The following UBA1 variants were observed in gnomAD, a reference collection of about 807,000 sequenced individuals.
UBA1 encodes ubiquitin-like modifier-activating enzyme 1.
A neutral mutation model predicts 84.7 loss-of-function variants in UBA1; 4 were observed. The ratio of observed to expected loss-of-function variants is 0.05; its 90% CI spans 0.02 to 0.11. The LOEUF (loss-of-function observed/expected upper bound fraction) is 0.11, where lower values mean the gene tolerates loss of function less well. Among genes scored for constraint, UBA1 ranks in the 10% least tolerant of loss-of-function variants. The probability of loss-of-function intolerance (pLI) is 1.00; values close to 1 mark genes in which losing one functional copy is unlikely to be tolerated. For synonymous variants in UBA1, 364 were observed against 362.6 expected (o/e 1.00, Z -0.04); for missense variants, 513 against 902.8 (o/e 0.57, Z 5.53).
At position 47,202,172 on chromosome X, in the gene UBA1, C is replaced by T; in HGVS notation, c.828C>T (p.Ser276=). The change falls in exon 9 of 26, where the codon AGC becomes AGT. Residue 276 remains serine (S), a synonymous_variant. Coordinates refer to ENST00000335972, the MANE Select transcript of UBA1 (RefSeq NM_003334.4). ...CCTCTGTAGGTCCTTATACCTTTAG[C>T]ATCTGTGACACCTCCAACTTCTCCG... ...EIKVLGPYTF[S]ICDTSNFSDY... 1 of 1,209,458 alleles carries T rather than the reference C, an allele frequency of 8.3e-7. No individual in the cohort carries two copies. Among genetic ancestry groups the T allele is most frequent in the Non-Finnish European group, 1.1e-6 (1 of 893,953 alleles).
chrX:47,195,882 G>A (rs5906352), intron 1 of UBA1, among the ~76,000 whole-genome samples: 11,381 of 110,205 alleles, frequency 0.1, 605 homozygotes, highest in Middle Eastern at 0.16. Flanking sequence ...CTCTCCTCTT[G>A]CATGTCCCTA....
chrX:47,209,869 G>C (rs992117281), intron 17 of UBA1, 59 bp from the exon 18 acceptor site: 14 of 1,172,132 alleles, frequency 1.2e-5, no homozygotes, highest in Non-Finnish European at 1.6e-5. Flanking sequence ...GATTGCTCTG[G>C]AGCCCACTCT....
chrX:47,201,956 G>A (rs1936432314), intron 8 of UBA1, among the ~76,000 whole-genome samples, 200 bp from the exon 9 acceptor site: 1 of 111,387 alleles, frequency 9.0e-6, no homozygotes, highest in Non-Finnish European at 1.9e-5. Context: ...CTTGGAGCCA[G>A]GGACACAGGG....
At chrX:47,213,921 T>C (rs1937036984) in intron 23 of UBA1, among the ~76,000 whole-genome samples, 1 of 108,918 alleles carries the variant, frequency 9.2e-6, no homozygotes, top group Non-Finnish European at 1.9e-5. Context: ...AGGGGATGTA[T>C]TTGAGATTTT....
At chrX:47,214,252 AG>A in intron 23 of UBA1, 74 bp from the exon 24 acceptor site, 5 of 899,544 alleles carry the variant, frequency 5.6e-6, no homozygotes, top group Non-Finnish European at 8.2e-6. Context: ...GCATGGGGGT[AG>A]GGGGGATGGA....
intron 18 of UBA1, 91 bp downstream of exon 18, chrX:47,210,214 G>A: frequency 1.9e-6 from 2 of 1,030,386 alleles, no homozygotes; most frequent in Non-Finnish European, 2.7e-6. Context: ...GAGTCCAGCT[G>A]TGGCAGGTGC....
intron 1 of UBA1, chrX:47,198,293 A>G (rs782180807): frequency 5.1e-6 from 5 of 977,822 alleles, no homozygotes; most frequent in East Asian, 7.6e-5. Flanking sequence ...GTTACTGCCT[A>G]CCTACTCTGT....
At chrX:47,197,022 C>T (rs1936226818) in intron 1 of UBA1, 2 of 563,598 alleles carry the variant, frequency 3.5e-6, no homozygotes, top group African/African-American at 2.5e-5. Flanking sequence ...ATCTCTACCC[C>T]AGGTCAGTCA....
Position 47,211,128 on chromosome X carries a change from A to C in UBA1, c.2367A>C (p.Thr789=). Residue 789 remains threonine (T), a synonymous_variant, in exon 20 of 26, where the codon ACA becomes ACC. Coordinates refer to ENST00000335972, the MANE Select transcript of UBA1 (RefSeq NM_003334.4). The part of the protein sequence containing the change: ...TGSQDRAAVA[T]FLQSVQVPEF... ...CTCAGGACCGAGCTGCTGTGGCCAC[A>C]TTCCTGCAGTCTGTGCAGGTCCCCG... The C allele has an allele frequency of 8.3e-7, 1 of 1,211,593 alleles. No homozygotes were observed. Among genetic ancestry groups the C allele is most frequent in the East Asian group, 3.0e-5 (1 of 33,841 alleles).
At chrX:47,191,126 G>T (rs1349326758), upstream of UBA1, among the ~76,000 whole-genome samples, 1 of 111,708 alleles carries the variant, frequency 9.0e-6, no homozygotes, top group Non-Finnish European at 1.9e-5. Flanking sequence ...GGGACTTCGG[G>T]GTGGGATTTG....
intron 14 of UBA1, among the ~76,000 whole-genome samples, chrX:47,204,748 C>G (rs1936589388): frequency 9.0e-6 from 1 of 111,552 alleles, no homozygotes; most frequent in Non-Finnish European, 1.9e-5. Context: ...TTACACTTCT[C>G]TGCACATATG....
In UBA1 at chrX:47,203,070, G is replaced by C. The variant is rs1556789048; in HGVS notation, c.1338+23G>C. 4 of 1,204,431 alleles carry C rather than the reference G, an allele frequency of 3.3e-6. No individual in the cohort carries two copies. In the East Asian group the frequency reaches 1.2e-4, roughly 36 times the overall value. On this transcript the variant is annotated intron_variant, in intron 12 of 25. Coordinates refer to ENST00000335972, the MANE Select transcript of UBA1 (RefSeq NM_003334.4). ...CAGGTATGTGGGTGGGACCTGTGGGGAGGGCATCATTGGGGACATTTCTGG... is the reference window on the plus strand; with the variant it reads ...CAGGTATGTGGGTGGGACCTGTGGGCAGGGCATCATTGGGGACATTTCTGG...
At chrX:47,200,231 T>G (rs1936354369) in intron 5 of UBA1, among the ~76,000 whole-genome samples, 1 of 112,386 alleles carries the variant, frequency 8.9e-6, no homozygotes, top group African/African-American at 3.2e-5. Flanking sequence ...TCCTGTACCT[T>G]TGTTTTCCTG....
rs781899019 is a variant in UBA1, at chrX:47,203,191, C to T, written c.1396C>T (p.Leu466=). 1.7e-6 allele frequency: 2 copies of T among 1,212,035 alleles called. No individual in the cohort carries two copies. Among genetic ancestry groups the T allele is most frequent in the Non-Finnish European group, 2.2e-6 (2 of 895,530 alleles). Residue 466 remains leucine, a synonymous_variant, in exon 13 of 26, where the codon CTG becomes TTG. Coordinates refer to ENST00000335972, the MANE Select transcript of UBA1 (RefSeq NM_003334.4). ...GTTTGGCTCAGACCTGCAAGAGAAG[C>T]TGGGCAAGCAGAAGTATTTCCTGGT... ...AVFGSDLQEK[L]GKQKYFLVGA... is the part of the protein sequence containing the mutation.
At chrX:47,213,823 C>T (rs962980281) in intron 23 of UBA1, among the ~76,000 whole-genome samples, 34 of 109,924 alleles carry the variant, frequency 3.1e-4, no homozygotes, top group African/African-American at 1.0e-3. Context: ...GCCAAGATGG[C>T]GCCATTGCAC....
In UBA1 at chrX:47,202,487, C is replaced by T. The variant is rs1556788631; in HGVS notation, c.1039C>T (p.Pro347Ser). The T allele has an allele frequency of 8.3e-7, 1 of 1,200,657 alleles. No homozygotes were observed. Among genetic ancestry groups the T allele is most frequent in the East Asian group, 3.0e-5 (1 of 33,191 alleles). The change falls in exon 10 of 26, where the codon CCT becomes TCT. Residue 347 changes from proline (P) to serine (S), a missense_variant. Pro to Ser is a moderately conservative substitution (Grantham distance 74). This residue lies in a region of UBA1 where 227 missense variants were observed against 339.1 expected (regional missense o/e 0.67). Transcript: ENST00000335972. The stretch of plus-strand genomic sequence containing the variant: ...GTTCTGTGCTCAGCATGGCCGGCCA[C>T]CTCGGCCCCGCAATGAGGTGGGTGA... ...HQFCAQHGRP[P>S]RPRNEEDAAE...
In UBA1 at chrX:47,215,011, C is replaced by T. The variant is rs1937087087; in HGVS notation, c.*82C>T. 8.5e-7 allele frequency: 1 copy of T among 1,176,737 alleles called. No individual in the cohort carries two copies. The highest frequency in any genetic ancestry group is 3.0e-5 in the East Asian group (1 of 33,651). ...CCCAGGGTTCCCATTTGGCTTCTGG[C>T]AGTGGCCCAACTAGCCAAGTCTGGT... is the stretch of plus-strand genomic sequence containing the variant. On this transcript the variant is annotated 3_prime_UTR_variant, in exon 26 of 26. Coordinates refer to ENST00000335972, the MANE Select transcript of UBA1 (RefSeq NM_003334.4).
rs1556794541 is a variant in UBA1, at chrX:47,214,388, G to C, written c.2900G>C (p.Gly967Ala). ...RFEVQGLQPN[G>A]EEMTLKQFLD... ...GAGGTACAAGGGCTGCAGCCTAATG[G>C]TGAGGAGATGACCCTCAAACAGTTC... is the stretch of plus-strand genomic sequence containing the variant. Residue 967 changes from glycine (G) to alanine (A), a missense_variant, in exon 24 of 26, where the codon GGT (glycine) becomes GCT (alanine). Gly to Ala is a moderately conservative substitution (Grantham distance 60). This residue lies in a region of UBA1 where 151 missense variants were observed against 260.1 expected (regional missense o/e 0.58). Coordinates refer to ENST00000335972, the MANE Select transcript of UBA1 (RefSeq NM_003334.4). 8.3e-7 allele frequency: 1 copy of C among 1,211,080 alleles called. No individual in the cohort carries two copies. Among genetic ancestry groups the C allele is most frequent in the South Asian group, 1.8e-5 (1 of 56,960 alleles).
In UBA1 at chrX:47,201,630, G is replaced by C; in HGVS notation, c.811+20G>C. ...TCCTGGGTGAGCTGCGACCATGGGG[G>C]AAGCAGAGGGGAACTAGAAGATATG... On this transcript the variant is annotated intron_variant, in intron 8 of 25. Transcript: ENST00000335972. 1 of 1,209,087 alleles carries C rather than the reference G, an allele frequency of 8.3e-7. No homozygotes were observed. The highest frequency in any genetic ancestry group is 1.1e-6 in the Non-Finnish European group (1 of 893,252).
Sources: allele counts gnomAD v4.1 joint callset (sites outside exome capture counted in the v4.1 genomes callset), GRCh38; gene constraint gnomAD v4.1.1; regional missense constraint gnomAD v4.1.1; transcripts MANE v1.5; gene names NCBI Gene and HGNC (gene_info 2026-07-23, HGNC 2026-07-21).